CHD4: variants seen among roughly 807,000 people sequenced by gnomAD.
The protein encoded by CHD4 is ATP-dependent chromatin remodeler CHD4.
CHD4 carries 35 observed loss-of-function variants against 235.5 expected under a neutral mutation model. That is an observed-to-expected ratio of 0.15 (90% CI 0.11 to 0.20). CHD4 has a LOEUF of 0.20. Ranked by LOEUF, CHD4 falls within the 10% of genes least tolerant of loss-of-function variation. The probability of loss-of-function intolerance (pLI) is 1.00; values close to 1 mark genes in which losing one functional copy is unlikely to be tolerated. For missense variants in CHD4, 1,329 were observed against 2,432.3 expected (o/e 0.55, Z 9.54); for synonymous variants, 900 against 850.2 (o/e 1.06, Z -1.02).
rs1398314607 is a variant in CHD4 at position 6,587,875 on chromosome 12, C to T, written c.3540G>A (p.Val1180=). The change falls in exon 24 of 40, where the codon GTG becomes GTA. Residue 1180 remains valine (V), a synonymous_variant. Coordinates refer to ENST00000544040, the MANE Select transcript of CHD4 (RefSeq NM_001273.5). ...MIYRFVTRAS[V]EERITQVAKK... is the part of the protein sequence containing the mutation. ...TTGCCACCTGCGTGATGCGCTCCTC[C>T]ACTGACGCACGGGTCACAAACCGGT... 1 of 1,614,126 alleles carries T rather than the reference C, an allele frequency of 6.2e-7. No individual in the cohort carries two copies. Among genetic ancestry groups the T allele is most frequent in the East Asian group, 2.2e-5 (1 of 44,898 alleles).
chr12:6,570,222 A>T lies in CHD4; in HGVS notation c.*454T>A. On this transcript the variant is annotated 3_prime_UTR_variant, in exon 40 of 40. Coordinates refer to ENST00000544040, the MANE Select transcript of CHD4 (RefSeq NM_001273.5). ...TGGCTAGAGCCGCTGGGTTCCTGGTATTAAAAAGATGCCAACAGAGGTAGC... is the reference window on the plus strand; with the variant it reads ...TGGCTAGAGCCGCTGGGTTCCTGGTTTTAAAAAGATGCCAACAGAGGTAGC... 6.3e-6 allele frequency: 1 copy of T among 158,876 alleles called. No individual in the cohort carries two copies. 9.8% of individuals were successfully genotyped at this position (158,876 alleles called of 1,614,324 possible). A position where few individuals can be genotyped will look rare whatever the true frequency, so the allele number is the denominator to read the frequency against.
intron 7 of CHD4, 29 bp from the exon 8 acceptor site, chr12:6,600,698 A>G (rs1948574307): frequency 1.9e-6 from 3 of 1,612,540 alleles, no homozygotes; most frequent in Non-Finnish European, 1.7e-6. Context: ...ATAAGGTTAG[A>G]CGTTCAAGCC....
At chr12:6,577,273 A>C (rs1031954518) in intron 37 of CHD4, among the ~76,000 whole-genome samples, 2 of 151,878 alleles carry the variant, frequency 1.3e-5, no homozygotes, top group African/African-American at 4.8e-5. Context: ...TCCAAAAAAA[A>C]CAGCTGGGTG....
chr12:6,606,716 G>A (rs1193092167), intron 1 of CHD4: 1 of 194,292 alleles, frequency 5.1e-6, no homozygotes, highest in East Asian at 1.2e-4. Flanking sequence ...GGACCGAGCG[G>A]GGTGTGACGG....
At chr12:6,585,842 A>T (rs1294821336) in intron 25 of CHD4, among the ~76,000 whole-genome samples, 1 of 151,140 alleles carries the variant, frequency 6.6e-6, no homozygotes, top group African/African-American at 2.4e-5. Flanking sequence ...TCATGCCTGT[A>T]ATCCCACCAC....
chr12:6,573,987 C>T (rs767645057), intron 37 of CHD4, among the ~76,000 whole-genome samples: 2 of 152,054 alleles, frequency 1.3e-5, no homozygotes, highest in Admixed American at 6.6e-5. Context: ...CGCGCCACTA[C>T]ACTCCAGCCT....
At chr12:6,586,165 G>C (rs1226517077) in intron 25 of CHD4, among the ~76,000 whole-genome samples, 1 of 151,298 alleles carries the variant, frequency 6.6e-6, no homozygotes, top group Non-Finnish European at 1.5e-5. Flanking sequence ...TTGGGAGGCA[G>C]AGGTGGGTGG....
intron 18 of CHD4, 44 bp downstream of exon 18, chr12:6,592,652 G>T: frequency 1.9e-6 from 3 of 1,594,434 alleles, no homozygotes; most frequent in South Asian, 2.2e-5. Context: ...CAGGAAGAAT[G>T]AGAGGCACAA....
At position 6,600,948 on chromosome 12, in the gene CHD4, C is replaced by T. The variant is rs753712557; in HGVS notation, c.905G>A (p.Gly302Asp). 2 of 1,603,326 alleles carry T rather than the reference C, an allele frequency of 1.2e-6. No homozygotes were observed. The highest frequency in any genetic ancestry group is 1.7e-5 in the Admixed American group (1 of 57,254). Residue 302 changes from glycine (G) to aspartate (D), a missense_variant, in exon 7 of 40, where the codon GGT becomes GAT. Coordinates refer to ENST00000544040, the MANE Select transcript of CHD4 (RefSeq NM_001273.5). ...CACCGAGGATCTCTTACGCTTGGAA[C>T]CAAAACCTCCCAGCTTGATTTTCAG... The part of the protein sequence containing the change: ...APLKIKLGGF[G>D]SKRKRSSSED...
intron 22 of CHD4, among the ~76,000 whole-genome samples, chr12:6,589,320 A>G (rs1054490481): frequency 5.9e-5 from 9 of 152,224 alleles, no homozygotes; most frequent in East Asian, 3.8e-4. Flanking sequence ...ATAGTCTCAA[A>G]TATCTCCCTC....
At position 6,570,653 on chromosome 12, in the gene CHD4, G is replaced by T. The variant is rs761705137; in HGVS notation, c.*23C>A. 1.9e-6 allele frequency: 3 copies of T among 1,614,024 alleles called. No individual in the cohort carries two copies. The highest frequency in any genetic ancestry group is 2.5e-6 in the Non-Finnish European group (3 of 1,179,870). ...GTGAGGAAGGTCACTGCTCAGCGGTGGAGGTGGTATCAGTCTGCATCTTCA... is the reference window on the plus strand; with the variant it reads ...GTGAGGAAGGTCACTGCTCAGCGGTTGAGGTGGTATCAGTCTGCATCTTCA... On this transcript the variant is annotated 3_prime_UTR_variant, in exon 40 of 40. Transcript: ENST00000544040.
chr12:6,595,788 C>CAAAA (rs141382153), intron 13 of CHD4, among the ~76,000 whole-genome samples: 6 of 82,522 alleles, frequency 7.3e-5, no homozygotes, highest in Non-Finnish European at 1.0e-4. Flanking sequence ...GACTTCGTCT[C>CAAAA]AAAAAAAAAA....
At chr12:6,600,700 G>T in intron 7 of CHD4, 31 bp from the exon 8 acceptor site, 1 of 1,611,840 alleles carries the variant, frequency 6.2e-7, no homozygotes, top group Non-Finnish European at 8.5e-7. Flanking sequence ...AAGGTTAGAC[G>T]TTCAAGCCAA....
rs1948007494 is a variant in CHD4 at position 6,573,145 on chromosome 12, G to A, written c.5486C>T (p.Ala1829Val). The A allele has an allele frequency of 1.2e-6, 2 of 1,611,604 alleles. No homozygotes were observed. Among genetic ancestry groups the A allele is most frequent in the African/African-American group, 1.3e-5 (1 of 74,778 alleles). ...CTTGGACAGGTGCTGATGACTTTCC[G>A]CCAAACACTCCACCTCAGCAAAGCG... ...NTRFAEVECL[A>V]ESHQHLSKES... The change falls in exon 38 of 40, where the codon GCG (alanine) becomes GTG (valine). Residue 1829 changes from alanine to valine, a missense_variant. Physicochemically the swap from Ala to Val is moderately conservative, Grantham distance 64. Coordinates refer to ENST00000544040, the MANE Select transcript of CHD4 (RefSeq NM_001273.5).
chr12:6,573,067 T>A lies in CHD4; in HGVS notation c.5557+7A>T. The A allele has an allele frequency of 6.3e-7, 1 of 1,593,954 alleles. No individual in the cohort carries two copies. ...AATCGGCAGGAGGCAGGGGAGCCAC[T>A]GGCTACCTTTGTGCAGGACTGCATT... On this transcript the variant is annotated splice_region_variant and intron_variant, in intron 38 of 39. Transcript: ENST00000544040.
chr12:6,580,906 G>T, intron 33 of CHD4, 138 bp downstream of exon 33: 1 of 889,948 alleles, frequency 1.1e-6, no homozygotes, highest in Non-Finnish European at 1.7e-6. Context: ...CCTCGGGAGG[G>T]TGAGGCAGGA....
chr12:6,585,891 A>C (rs1481083403), intron 25 of CHD4, among the ~76,000 whole-genome samples: 1 of 151,556 alleles, frequency 6.6e-6, no homozygotes, highest in Non-Finnish European at 1.5e-5. Context: ...TGAGGTCAGG[A>C]GTTCTAGAGT....
At chr12:6,604,960 C>G (rs1462634980) in intron 2 of CHD4, among the ~76,000 whole-genome samples, 1 of 152,142 alleles carries the variant, frequency 6.6e-6, no homozygotes, top group African/African-American at 2.4e-5. Context: ...CTTACCAGCA[C>G]CACAACTCCG....
At chr12:6,585,204 G>A (rs1249535223) in intron 25 of CHD4, among the ~76,000 whole-genome samples, 1 of 152,084 alleles carries the variant, frequency 6.6e-6, no homozygotes, top group African/African-American at 2.4e-5. Context: ...ATTAAAACAA[G>A]CCACACACAC....
Sources: allele counts gnomAD v4.1 joint callset (sites outside exome capture counted in the v4.1 genomes callset), GRCh38; gene constraint gnomAD v4.1.1; transcripts MANE v1.5; gene names NCBI Gene and HGNC (gene_info 2026-07-23, HGNC 2026-07-21).